The following MYOM3 variants were observed in gnomAD, a reference collection of about 807,000 sequenced individuals.
The protein encoded by MYOM3 is myomesin 3, also known as myomesin-3.
A neutral mutation model predicts 191.7 loss-of-function variants in MYOM3; 155 were observed. That is an observed-to-expected ratio of 0.81 (90% CI 0.71 to 0.92). The LOEUF is 0.92. Among genes scored for constraint, MYOM3 ranks in the 40% least tolerant of loss-of-function variants. The probability of loss-of-function intolerance (pLI) is 0.00; values close to 1 mark genes in which losing one functional copy is unlikely to be tolerated. For missense variants in MYOM3, 1,889 were observed against 1,890.6 expected, an observed-to-expected ratio of 1.00 and a Z score of 0.02; for synonymous variants, 757 against 762.9, an observed-to-expected ratio of 0.99 and a Z score of 0.13.
rs1393656569 is a variant in MYOM3 at position 24,067,340 on chromosome 1, CTTTCTTTCTTTCTT to C, written c.3356-266_3356-253del. 6.2e-3 allele frequency among the ~76,000 whole-genome samples: 475 copies of C among 76,144 alleles called. 38 individuals carry two copies. Among genetic ancestry groups the C allele is most frequent in the African/African-American group, 0.022 (440 of 20,084 alleles). 50.0% of individuals were successfully genotyped at this position (76,144 alleles called of 152,430 possible). A position where few individuals can be genotyped will look rare whatever the true frequency, so the allele number is the denominator to read the frequency against. On this transcript the variant is annotated intron_variant, in intron 27 of 36. Coordinates refer to ENST00000374434, the MANE Select transcript of MYOM3 (RefSeq NM_152372.4). ...TCTTTCTTTCCTTCTTTCTTTCTTTCTTTCTTTCTTTCTTTCTTTCTTTCTTTCTTTCCTTCTTT... is the reference window on the plus strand; with the variant it reads ...TCTTTCTTTCCTTCTTTCTTTCTTTCTCTTTCTTTCTTTCTTTCCTTCTTT...
At chr1:24,108,415 T>G in intron 2 of MYOM3, 61 bp downstream of exon 2, 1 of 1,440,860 alleles carries the variant, frequency 6.9e-7, no homozygotes, top group Non-Finnish European at 9.2e-7. Context: ...TGGGCCTCCC[T>G]CCTCAGACTG....
Position 24,093,117 on chromosome 1 carries a change from G to T in MYOM3, c.929-9C>A. The stretch of plus-strand genomic sequence containing the variant: ...GGACCTCAGTAGGCTCCCTGTGGAG[G>T]GGAAGTGGGGGGCCATTGAGTTTGT... On this transcript the variant is annotated splice_polypyrimidine_tract_variant and intron_variant, in intron 9 of 36. Coordinates refer to ENST00000374434, the MANE Select transcript of MYOM3 (RefSeq NM_152372.4). 3 of 1,602,292 alleles carry T rather than the reference G, an allele frequency of 1.9e-6. No individual in the cohort carries two copies. The highest frequency in any genetic ancestry group is 1.7e-6 in the Non-Finnish European group (2 of 1,178,304).
intron 23 of MYOM3, among the ~76,000 whole-genome samples, chr1:24,072,454 G>A (rs1286503153): frequency 6.6e-6 from 1 of 152,034 alleles, no homozygotes. Context: ...GGGTCTGGAC[G>A]ACACACCGAG....
rs371880835 is a variant in MYOM3, at chr1:24,063,078, C to T, written c.3770+48G>A. On this transcript the variant is annotated intron_variant, in intron 32 of 36. Transcript: ENST00000374434. The surrounding 1 kb of genome is among the most constrained non-coding windows in gnomAD (Gnocchi z 4.5). ...GAGGGAGGCCCCCATGGGTCAGGTGCTGAATCCTTTCCAGCCTGGCTGGGG... is the reference window on the plus strand; with the variant it reads ...GAGGGAGGCCCCCATGGGTCAGGTGTTGAATCCTTTCCAGCCTGGCTGGGG... 1,053 of 1,354,592 alleles carry T rather than the reference C, an allele frequency of 7.8e-4. 9 individuals carry two copies. Among genetic ancestry groups the T allele is most frequent in the Non-Finnish European group, 1.2e-4 (110 of 946,038 alleles). 83.9% of individuals were successfully genotyped at this position (1,354,592 alleles called of 1,614,324 possible). A position where few individuals can be genotyped will look rare whatever the true frequency, so the allele number is the denominator to read the frequency against.
In MYOM3 at chr1:24,080,160, C is replaced by T; in HGVS notation, c.2442G>A (p.Arg814=). 6.2e-7 allele frequency: 1 copy of T among 1,613,662 alleles called. No individual in the cohort carries two copies. The highest frequency in any genetic ancestry group is 8.5e-7 in the Non-Finnish European group (1 of 1,179,774). The change falls in exon 20 of 37, where the codon CGG becomes CGA. Residue 814 remains arginine, a synonymous_variant. Coordinates refer to ENST00000374434, the MANE Select transcript of MYOM3 (RefSeq NM_152372.4). ...PPYDVRASEV[R]ATSLVLQWEP... ...CCCACTGCAGCACCAGGGATGTGGC[C>T]CGCACCTCGGATGCCCGTACATCGT...
chr1:24,074,800 A>G (rs1045425657), intron 22 of MYOM3, among the ~76,000 whole-genome samples: 2 of 152,226 alleles, frequency 1.3e-5, no homozygotes, highest in African/African-American at 4.8e-5. Context: ...GAACAATGCC[A>G]TTGGCTGAGC....
chr1:24,091,585 A>G (rs1421711209), intron 11 of MYOM3, among the ~76,000 whole-genome samples: 1 of 152,180 alleles, frequency 6.6e-6, no homozygotes, highest in Non-Finnish European at 1.5e-5. Context: ...GAGCAAAGTC[A>G]TCTCCCCACA....
At chr1:24,102,327 G>T (rs1170343857) in intron 5 of MYOM3, among the ~76,000 whole-genome samples, 4 of 152,280 alleles carry the variant, frequency 2.6e-5, no homozygotes, top group Non-Finnish European at 5.9e-5. Flanking sequence ...CTGGGGGCCA[G>T]GGTTAGGCCC....
intron 35 of MYOM3, among the ~76,000 whole-genome samples, chr1:24,060,781 GC>G (rs1470058035): frequency 6.6e-6 from 1 of 152,174 alleles, no homozygotes; most frequent in African/African-American, 2.4e-5. Flanking sequence ...GGCCTGCCCA[GC>G]CTCATTCCTG....
At chr1:24,103,607 C>T (rs1023851756) in intron 5 of MYOM3, among the ~76,000 whole-genome samples, 8 of 152,126 alleles carry the variant, frequency 5.3e-5, no homozygotes, top group Middle Eastern at 3.2e-3. Context: ...GCCTGTTTTT[C>T]GGTGGCTAGT....
chr1:24,100,088 C>G (rs1454411909), intron 5 of MYOM3, among the ~76,000 whole-genome samples: 1 of 152,048 alleles, frequency 6.6e-6, no homozygotes, highest in Non-Finnish European at 1.5e-5. Flanking sequence ...AGGCTGGTCT[C>G]GAATTCCTGA....
rs769651702 is a variant in MYOM3, at chr1:24,086,823, A to C, written c.1619T>G (p.Val540Gly). The change falls in exon 15 of 37, where the codon GTC becomes GGC. Residue 540 changes from valine (V) to glycine (G), a missense_variant. Val to Gly is a moderately radical substitution (Grantham distance 109, BLOSUM62 -3). Coordinates refer to ENST00000374434, the MANE Select transcript of MYOM3 (RefSeq NM_152372.4). ...GGCCTCCCAGGTGCCACTACCTATG[A>C]CTGACTGAAGAAACAGAGGGACTCA... ...APLTYSLEKS[V>G]IGSGTWEAIS... The C allele has an allele frequency of 6.8e-6, 11 of 1,613,660 alleles. No individual in the cohort carries two copies. In the African/African-American group the frequency reaches 1.2e-4, roughly 18 times the overall value.
chr1:24,077,704 G>C (rs1643618885), intron 20 of MYOM3, among the ~76,000 whole-genome samples: 1 of 152,184 alleles, frequency 6.6e-6, no homozygotes, highest in South Asian at 2.1e-4. Flanking sequence ...CTAGGAATTG[G>C]TCCAGGCCTG....
intron 24 of MYOM3, among the ~76,000 whole-genome samples, chr1:24,071,641 CT>C (rs1643533180): frequency 6.6e-6 from 1 of 152,200 alleles, no homozygotes; most frequent in Non-Finnish European, 1.5e-5. Flanking sequence ...GTGACCTCCC[CT>C]GCTCTAGGGA....
chr1:24,070,193 T>C (rs977739527), intron 25 of MYOM3, among the ~76,000 whole-genome samples: 5 of 152,206 alleles, frequency 3.3e-5, no homozygotes, highest in African/African-American at 1.2e-4. Context: ...TATGCTGCCC[T>C]GCTTTATAAT....
At chr1:24,089,417 C>T in intron 14 of MYOM3, 121 bp downstream of exon 14, 2 of 1,320,756 alleles carry the variant, frequency 1.5e-6, no homozygotes, top group Admixed American at 3.0e-5. Flanking sequence ...CATGCCTGGG[C>T]CCTTCTGGCC....
At chr1:24,108,344 G>T (rs1045493250) in intron 2 of MYOM3, 132 bp downstream of exon 2, 8 of 1,028,716 alleles carry the variant, frequency 7.8e-6, no homozygotes, top group Non-Finnish European at 1.1e-5. Flanking sequence ...CCTCAGACAG[G>T]GGGTTCAGAA....
At chr1:24,099,556 A>C in intron 6 of MYOM3, 124 bp downstream of exon 6, 3 of 725,206 alleles carry the variant, frequency 4.1e-6, no homozygotes, top group South Asian at 3.3e-5. Flanking sequence ...TTTGACCAGC[A>C]CCCTAGAGAC....
In MYOM3 at chr1:24,094,902, C is replaced by T; in HGVS notation, c.879G>A (p.Leu293=). 6.2e-7 allele frequency: 1 copy of T among 1,614,110 alleles called. No homozygotes were observed. Among genetic ancestry groups the T allele is most frequent in the Non-Finnish European group, 8.5e-7 (1 of 1,179,996 alleles). The change falls in exon 9 of 37, where the codon TTG becomes TTA. Residue 293 remains leucine (L), a synonymous_variant. Transcript: ENST00000374434. ...CAGCATCTAACACATCTTCCGAAAA[C>T]AAGCATGACAGGGAGAAGGGTTCCT... The part of the protein sequence containing the change: ...REKEPFSLSC[L]FSEDVLDAES...
Sources: allele counts gnomAD v4.1 joint callset (sites outside exome capture counted in the v4.1 genomes callset), GRCh38; gene constraint gnomAD v4.1.1; non-coding constraint Gnocchi (gnomAD v3.1); transcripts MANE v1.5; gene names NCBI Gene and HGNC (gene_info 2026-07-23, HGNC 2026-07-21).